Variants in GOT1 observed in about 807,000 individuals in gnomAD.
GOT1 encodes the protein glutamic-oxaloacetic transaminase 1.
A neutral mutation model predicts 48.2 loss-of-function variants in GOT1; 25 were observed. The observed-to-expected ratio is 0.52, with a 90% CI of 0.38 to 0.72. GOT1 has a LOEUF of 0.72. Among genes scored for constraint, GOT1 ranks in the 30% least tolerant of loss-of-function variants. The pLI is 0.00. For missense variants in GOT1, 380 were observed against 520.1 expected (o/e 0.73, Z 2.62); for synonymous variants, 188 against 193.8 (o/e 0.97, Z 0.25).
chr10:99,428,029 A>G (rs948147407), intron 1 of GOT1, among the ~76,000 whole-genome samples: 1 of 152,216 alleles, frequency 6.6e-6, no homozygotes, highest in African/African-American at 2.4e-5. Context: ...GTCTGAGTCA[A>G]TGACTCCAAT....
At chr10:99,424,052 T>A (rs2033006106) in intron 1 of GOT1, among the ~76,000 whole-genome samples, 1 of 152,172 alleles carries the variant, frequency 6.6e-6, no homozygotes, top group East Asian at 1.9e-4. Flanking sequence ...TGGGATTTGG[T>A]CTGGCTTCTC....
chr10:99,425,969 T>C (rs1449141364), intron 1 of GOT1, among the ~76,000 whole-genome samples: 1 of 152,206 alleles, frequency 6.6e-6, no homozygotes, highest in African/African-American at 2.4e-5. Flanking sequence ...AATACATTTC[T>C]TTACTCTCAT....
chr10:99,421,731 G>T (rs559416754), intron 1 of GOT1, among the ~76,000 whole-genome samples: 3 of 152,064 alleles, frequency 2.0e-5, no homozygotes, highest in African/African-American at 7.3e-5. Flanking sequence ...TTCCTGGCAG[G>T]GGTCATTTGC....
intron 2 of GOT1, among the ~76,000 whole-genome samples, chr10:99,414,877 T>A (rs2032873561): frequency 3.1e-5 from 4 of 127,428 alleles, no homozygotes; most frequent in East Asian, 2.4e-4. Context: ...GACATAAAGG[T>A]GTTCTTTGAA....
rs756780129 is a variant in GOT1, at chr10:99,406,836, T to G, written c.314A>C (p.Gln105Pro). The change falls in exon 3 of 9, where the codon CAA (glutamine) becomes CCA (proline). Residue 105 changes from glutamine (Q) to proline (P), a missense_variant. Physicochemically the swap from Gln to Pro is moderately conservative, Grantham distance 76. Coordinates refer to ENST00000370508, the MANE Select transcript of GOT1 (RefSeq NM_002079.3). ...ALKEKRVGGV[Q>P]SLGGTGALRI... ...AAGTGCACCTGTTCCCCCCAAAGAT[T>G]GCACACCTCCTACCTGAAAGAGAAG... 6.2e-7 allele frequency: 1 copy of G among 1,613,904 alleles called. No homozygotes were observed.
rs1350523537 is a variant in GOT1, at chr10:99,430,615, G to C, written c.-50C>G. On this transcript the variant is annotated 5_prime_UTR_variant, in exon 1 of 9. Coordinates refer to ENST00000370508, the MANE Select transcript of GOT1 (RefSeq NM_002079.3). ...TTTCACCCCACGCCCGGAGCTGGCA[G>C]GTCAGGTCTGGCCGTTGCGACTGGA... 3 of 1,477,564 alleles carry C rather than the reference G, an allele frequency of 2.0e-6. No individual in the cohort carries two copies. Among genetic ancestry groups the C allele is most frequent in the Non-Finnish European group, 1.8e-6 (2 of 1,083,852 alleles). The allele number at this position is 1,477,564 out of a possible 1,614,324, so 91.5% of individuals were successfully genotyped here. A position where few individuals can be genotyped will look rare whatever the true frequency, so the allele number is the denominator to read the frequency against.
At position 99,410,059 on chromosome 10, in the gene GOT1, G is replaced by A. The variant is rs941442494; in HGVS notation, c.301-3210C>T. Among the ~76,000 whole-genome samples, 4 of 152,222 alleles carry A rather than the reference G, an allele frequency of 2.6e-5. No individual in the cohort carries two copies. In the East Asian group the frequency reaches 7.7e-4, roughly 29 times the overall value. The stretch of plus-strand genomic sequence containing the variant: ...AAAGGCAGTGCACTGGGGTGAAAAT[G>A]CTCAGTGTGTGTCAGATTTGGTGTG... On this transcript the variant is annotated intron_variant, in intron 2 of 8. Transcript: ENST00000370508.
chr10:99,412,403 G>GTACATA (rs2032838109), intron 2 of GOT1, among the ~76,000 whole-genome samples: 5 of 151,820 alleles, frequency 3.3e-5, no homozygotes, highest in Non-Finnish European at 7.4e-5. Flanking sequence ...CATCCTAGCT[G>GTACATA]CAGCATGCAG....
intron 1 of GOT1, among the ~76,000 whole-genome samples, chr10:99,428,084 T>C (rs1260264266): frequency 6.6e-6 from 1 of 152,218 alleles, no homozygotes; most frequent in Non-Finnish European, 1.5e-5. Flanking sequence ...GTGCTTTTTC[T>C]CTGCAGGAGC....
chr10:99,407,200 TG>T (rs2032771811), intron 2 of GOT1, among the ~76,000 whole-genome samples: 1 of 152,150 alleles, frequency 6.6e-6, no homozygotes, highest in Non-Finnish European at 1.5e-5. Context: ...TGTGTGTGTG[TG>T]TGTGCATGCA....
At chr10:99,418,922 G>T (rs554471870) in intron 2 of GOT1, among the ~76,000 whole-genome samples, 1 of 152,248 alleles carries the variant, frequency 6.6e-6, no homozygotes, top group East Asian at 1.9e-4. Context: ...CTAACCATAT[G>T]ACTTCAGTTC....
At chr10:99,399,607 CA>C (rs1415871146) in intron 8 of GOT1, among the ~76,000 whole-genome samples, 1 of 150,498 alleles carries the variant, frequency 6.6e-6, no homozygotes, top group African/African-American at 2.5e-5. Flanking sequence ...CCTGTCTCTA[CA>C]AAAAAATCTT....
At chr10:99,411,397 A>G (rs931205331) in intron 2 of GOT1, among the ~76,000 whole-genome samples, 16 of 152,342 alleles carry the variant, frequency 1.1e-4, no homozygotes, top group Middle Eastern at 3.4e-3. Flanking sequence ...AAATGGGTAA[A>G]GGATCTGGAA....
chr10:99,418,164 A>C (rs1227194204), intron 2 of GOT1, among the ~76,000 whole-genome samples: 1 of 152,050 alleles, frequency 6.6e-6, no homozygotes, highest in Non-Finnish European at 1.5e-5. Flanking sequence ...GTATATCTTC[A>C]AATATTTGCT....
In GOT1 at chr10:99,430,609, C is replaced by A; in HGVS notation, c.-44G>T. The A allele has an allele frequency of 6.6e-7, 1 of 1,510,816 alleles. No individual in the cohort carries two copies. The allele number at this position is 1,510,816 out of a possible 1,614,324, so 93.6% of individuals were successfully genotyped here. A position where few individuals can be genotyped will look rare whatever the true frequency, so the allele number is the denominator to read the frequency against. Reference sequence around the variant, plus strand: ...AAGAGATTTCACCCCACGCCCGGAGCTGGCAGGTCAGGTCTGGCCGTTGCG... The same window carrying A: ...AAGAGATTTCACCCCACGCCCGGAGATGGCAGGTCAGGTCTGGCCGTTGCG... On this transcript the variant is annotated 5_prime_UTR_variant, in exon 1 of 9. Coordinates refer to ENST00000370508, the MANE Select transcript of GOT1 (RefSeq NM_002079.3).
At chr10:99,412,315 G>A (rs943295602) in intron 2 of GOT1, among the ~76,000 whole-genome samples, 1 of 151,946 alleles carries the variant, frequency 6.6e-6, no homozygotes, top group East Asian at 2.0e-4. Flanking sequence ...TTACCCTACA[G>A]GCAATGGGGG....
intron 8 of GOT1, among the ~76,000 whole-genome samples, chr10:99,399,570 C>T (rs919103297): frequency 2.6e-5 from 4 of 151,950 alleles, no homozygotes; most frequent in Non-Finnish European, 5.9e-5. Context: ...CAGGAGTTGA[C>T]GACCAGCCTG....
At chr10:99,426,906 GA>G (rs1471285938) in intron 1 of GOT1, among the ~76,000 whole-genome samples, 12 of 152,042 alleles carry the variant, frequency 7.9e-5, no homozygotes, top group Middle Eastern at 3.4e-3. Flanking sequence ...TAACTTGGGG[GA>G]AAAAAAGTAT....
chr10:99,403,450 C>A lies in GOT1; in HGVS notation c.959+19G>T, dbSNP rs753557253. The A allele has an allele frequency of 6.2e-7, 1 of 1,600,082 alleles. No homozygotes were observed. Among genetic ancestry groups the A allele is most frequent in the Non-Finnish European group, 8.5e-7 (1 of 1,169,850 alleles). ...CTGCACTCCCCACCCCCCGGCCCAC[C>A]AGACTGGGAGCCCCTTACCATTCCT... On this transcript the variant is annotated intron_variant, in intron 7 of 8. Coordinates refer to ENST00000370508, the MANE Select transcript of GOT1 (RefSeq NM_002079.3).
Sources: allele counts gnomAD v4.1 joint callset (sites outside exome capture counted in the v4.1 genomes callset), GRCh38; gene constraint gnomAD v4.1.1; transcripts MANE v1.5; gene names NCBI Gene and HGNC (gene_info 2026-07-23, HGNC 2026-07-21).